The following KCTD8 variants were observed in gnomAD, a reference collection of about 807,000 sequenced individuals.
The protein encoded by KCTD8 is potassium channel tetramerization domain containing 8.
KCTD8 carries 27 observed loss-of-function variants against 31.5 expected under a neutral mutation model. The observed-to-expected ratio is 0.86, with a 90% confidence interval of 0.63 to 1.18. The LOEUF (loss-of-function observed/expected upper bound fraction) is 1.18, where lower values mean the gene tolerates loss of function less well. KCTD8 is among the 50% of genes most tolerant of loss of function. KCTD8 has a pLI of 0.00. For synonymous variants in KCTD8, 290 were observed against 280.0 expected, an observed-to-expected ratio of 1.04 and a Z score of -0.36; for missense variants, 658 against 647.7, an observed-to-expected ratio of 1.02 and a Z score of -0.17.
intron 1 of KCTD8, among the ~76,000 whole-genome samples, chr4:44,201,900 A>G (rs1714162308): frequency 6.6e-6 from 1 of 152,178 alleles, no homozygotes; most frequent in South Asian, 2.1e-4. Flanking sequence ...CATCTGACAG[A>G]AGTCTAAAGT....
At chr4:44,399,260 G>A (rs1031099872) in intron 1 of KCTD8, among the ~76,000 whole-genome samples, 2 of 152,112 alleles carry the variant, frequency 1.3e-5, no homozygotes, top group South Asian at 4.1e-4. Context: ...GTCTGACTGT[G>A]GGGGAGTGAA....
intron 1 of KCTD8, chr4:44,293,301 A>T (rs559685052): frequency 3.2e-5 from 10 of 311,662 alleles, no homozygotes; most frequent in Non-Finnish European, 6.3e-5. Context: ...TAGTCAACCA[A>T]ATTACTGAGT....
intron 1 of KCTD8, among the ~76,000 whole-genome samples, chr4:44,402,732 A>G (rs940799050): frequency 1.3e-5 from 2 of 152,190 alleles, no homozygotes; most frequent in African/African-American, 4.8e-5. Context: ...ACCTCCCCTC[A>G]TATCAGCTGG....
intron 1 of KCTD8, among the ~76,000 whole-genome samples, chr4:44,386,276 G>T (rs1420696096): frequency 6.6e-6 from 1 of 151,420 alleles, no homozygotes; most frequent in Non-Finnish European, 1.5e-5. Context: ...ATTCACAATA[G>T]CCAAGAGGTA....
intron 1 of KCTD8, among the ~76,000 whole-genome samples, chr4:44,331,961 A>G (rs971321613): frequency 6.6e-6 from 1 of 151,732 alleles, no homozygotes; most frequent in African/African-American, 2.4e-5. Context: ...CCAATTCTTC[A>G]AAAACCCGAA....
Position 44,250,083 on chromosome 4 carries a change from G to C in KCTD8, c.962-74833C>G, listed in dbSNP as rs936555571. On this transcript the variant is annotated intron_variant, in intron 1 of 1. Coordinates refer to ENST00000360029, the MANE Select transcript of KCTD8 (RefSeq NM_198353.3). ...TGTGCTTTTTAAAAAAATTCTAACA[G>C]CATGGCTCTGGACATCTTTGTATAC... Among the ~76,000 whole-genome samples the C allele has an allele frequency of 7.2e-5, 11 of 151,830 alleles. No homozygotes were observed. The East Asian group carries it at 7.7e-4, about 11-fold the overall frequency.
chr4:44,284,950 A>G (rs1417646931), intron 1 of KCTD8, among the ~76,000 whole-genome samples: 1 of 152,184 alleles, frequency 6.6e-6, no homozygotes, highest in Non-Finnish European at 1.5e-5. Flanking sequence ...TAGAATGGTG[A>G]TCATTAAAAA....
intron 1 of KCTD8, among the ~76,000 whole-genome samples, chr4:44,294,615 T>G (rs917147679): frequency 6.6e-6 from 1 of 152,192 alleles, no homozygotes; most frequent in African/African-American, 2.4e-5. Flanking sequence ...ATTTTCATGA[T>G]AGCTTGTCCC....
chr4:44,212,301 A>T (rs1714512424), intron 1 of KCTD8, among the ~76,000 whole-genome samples: 1 of 152,204 alleles, frequency 6.6e-6, no homozygotes, highest in African/African-American at 2.4e-5. Flanking sequence ...AGACTTTACC[A>T]TTGGAAGAAA....
At chr4:44,379,840 A>G (rs1720014491) in intron 1 of KCTD8, among the ~76,000 whole-genome samples, 1 of 152,126 alleles carries the variant, frequency 6.6e-6, no homozygotes, top group South Asian at 2.1e-4. Flanking sequence ...TAATCTAGCA[A>G]TTACACAGAC....
intron 1 of KCTD8, among the ~76,000 whole-genome samples, chr4:44,422,257 T>G (rs1344534703): frequency 2.0e-5 from 3 of 152,102 alleles, no homozygotes; most frequent in Non-Finnish European, 4.4e-5. Context: ...GTTCTTATAA[T>G]TTAAGAATTA....
chr4:44,205,844 C>A (rs1714288223), intron 1 of KCTD8, among the ~76,000 whole-genome samples: 1 of 152,182 alleles, frequency 6.6e-6, no homozygotes, highest in Non-Finnish European at 1.5e-5. Context: ...CAGAATTAAA[C>A]TTACCATGTC....
intron 1 of KCTD8, among the ~76,000 whole-genome samples, chr4:44,181,586 C>T (rs1156383111): frequency 6.6e-6 from 1 of 152,152 alleles, no homozygotes; most frequent in East Asian, 1.9e-4. Context: ...GGCGTGATCT[C>T]GGCTAGCTAC....
intron 1 of KCTD8, among the ~76,000 whole-genome samples, chr4:44,298,570 A>G (rs1311952937): frequency 6.6e-6 from 1 of 152,192 alleles, no homozygotes. Flanking sequence ...AAGAGCTGAC[A>G]GCTCCCCAGA....
chr4:44,415,352 T>C (rs940889052), intron 1 of KCTD8, among the ~76,000 whole-genome samples: 19 of 152,110 alleles, frequency 1.2e-4, no homozygotes, highest in African/African-American at 4.3e-4. Flanking sequence ...AGGCTGGCCC[T>C]GTGGTAGAGA....
intron 1 of KCTD8, among the ~76,000 whole-genome samples, chr4:44,197,244 C>T (rs909599219): frequency 2.6e-5 from 4 of 152,136 alleles, no homozygotes; most frequent in Admixed American, 2.0e-4. Flanking sequence ...CATAGGCCAG[C>T]AGAGGAGGAG....
intron 1 of KCTD8, among the ~76,000 whole-genome samples, chr4:44,244,840 G>T (rs75307014): frequency 1.1e-5 from 1 of 92,196 alleles, no homozygotes; most frequent in African/African-American, 4.1e-5. Context: ...AATTTTCCCT[G>T]TAGTTGTGGG....
intron 1 of KCTD8, among the ~76,000 whole-genome samples, chr4:44,441,548 A>T (rs976835846): frequency 6.6e-6 from 1 of 152,202 alleles, no homozygotes; most frequent in Non-Finnish European, 1.5e-5. Flanking sequence ...GTAGACACTG[A>T]AATATATTTG....
intron 1 of KCTD8, among the ~76,000 whole-genome samples, chr4:44,364,666 A>C (rs1238289357): frequency 6.6e-6 from 1 of 152,160 alleles, no homozygotes; most frequent in East Asian, 1.9e-4. Context: ...AGCAACCAAG[A>C]TGTCCTTTAA....
Sources: allele counts gnomAD v4.1 joint callset (sites outside exome capture counted in the v4.1 genomes callset), GRCh38; gene constraint gnomAD v4.1.1; transcripts MANE v1.5; gene names NCBI Gene and HGNC (gene_info 2026-07-23, HGNC 2026-07-21).